The following RPL5 variants were observed in gnomAD, a reference collection of about 807,000 sequenced individuals.
The protein encoded by RPL5 is large ribosomal subunit protein uL18.
In RPL5, 1 loss-of-function variant was observed where a neutral mutation model predicts 38.4. The ratio of observed to expected loss-of-function variants is 0.03; its 90% CI spans 0.01 to 0.12. The LOEUF (loss-of-function observed/expected upper bound fraction) is 0.12. RPL5 is among the 10% of genes least tolerant of loss of function. The pLI is 1.00. For missense variants in RPL5, 243 were observed against 374.1 expected, an observed-to-expected ratio of 0.65 and a Z score of 2.89; for synonymous variants, 109 against 121.2, an observed-to-expected ratio of 0.90 and a Z score of 0.66.
At chr1:92,833,338 G>A in intron 1 of RPL5, 51 bp from the exon 2 acceptor site, 1 of 1,413,438 alleles carries the variant, frequency 7.1e-7, no homozygotes, top group East Asian at 2.3e-5. Flanking sequence ...TATGTCAAAA[G>A]TATCATAGGC....
intron 2 of RPL5, 36 bp from the exon 3 acceptor site, chr1:92,833,509 T>TGG: frequency 1.2e-6 from 2 of 1,609,488 alleles, no homozygotes; most frequent in Non-Finnish European, 1.7e-6. Flanking sequence ...GCAGATGCAG[T>TGG]GGAGTATCCT....
chr1:92,833,633 T>C lies in RPL5; in HGVS notation c.162T>C (p.Arg54=). ...YNTPKYRMIV[R]VTNRDIICQI... is the part of the protein sequence containing the mutation. ...CACCCAAATACAGGATGATAGTTCG[T>C]GTGACAAACAGAGATATCATTTGTC... Residue 54 remains arginine (R), a synonymous_variant, in exon 3 of 8, where the codon CGT becomes CGC. Transcript: ENST00000370321. 1 of 1,612,006 alleles carries C rather than the reference T, an allele frequency of 6.2e-7. No individual in the cohort carries two copies. The highest frequency in any genetic ancestry group is 8.5e-7 in the Non-Finnish European group (1 of 1,179,752).
intron 3 of RPL5, among the ~76,000 whole-genome samples, chr1:92,834,509 G>A (rs1032098776): frequency 6.6e-5 from 10 of 152,140 alleles, no homozygotes; most frequent in African/African-American, 1.4e-4. Context: ...GTCTTCCTCC[G>A]TACCCAAGTT....
chr1:92,840,063 A>G (rs978003773), intron 6 of RPL5, among the ~76,000 whole-genome samples: 1 of 148,900 alleles, frequency 6.7e-6, no homozygotes, highest in East Asian at 2.0e-4. Context: ...TCTGTCATCT[A>G]GGCTGGGGTC....
intron 3 of RPL5, 127 bp downstream of exon 3, chr1:92,833,787 T>A: frequency 1.3e-6 from 1 of 759,002 alleles, no homozygotes; most frequent in Non-Finnish European, 2.2e-6. Flanking sequence ...GAATAATTTT[T>A]CCTTTTAGTA....
intron 5 of RPL5, 130 bp from the exon 6 acceptor site, chr1:92,837,326 G>A: frequency 1.2e-6 from 1 of 821,126 alleles, no homozygotes; most frequent in Non-Finnish European, 2.2e-6. Flanking sequence ...GCAGTCAGTA[G>A]TTGGTCCTTT....
At chr1:92,833,909 C>T (rs954627158) in intron 3 of RPL5, 1 of 499,466 alleles carries the variant, frequency 2.0e-6, no homozygotes, top group Admixed American at 3.4e-5. Flanking sequence ...AGTTTGAGAC[C>T]AGCCTGGGCA....
intron 6 of RPL5, among the ~76,000 whole-genome samples, chr1:92,839,875 CT>C (rs1395679286): frequency 6.6e-6 from 1 of 151,074 alleles, no homozygotes; most frequent in African/African-American, 2.4e-5. Context: ...GGATCTTGTT[CT>C]GTTTCCTGGG....
intron 6 of RPL5, 92 bp from the exon 7 acceptor site, chr1:92,840,459 C>A: frequency 1.1e-6 from 1 of 917,036 alleles, no homozygotes; most frequent in Non-Finnish European, 1.8e-6. Flanking sequence ...TTTTGAGAAT[C>A]TGGCTTAGAA....
chr1:92,838,817 G>C (rs1464099698), intron 6 of RPL5, among the ~76,000 whole-genome samples: 1 of 152,204 alleles, frequency 6.6e-6, no homozygotes, highest in East Asian at 1.9e-4. Flanking sequence ...ATAATAGAGT[G>C]CTAAAAGAGG....
chr1:92,833,604 A>G lies in RPL5; in HGVS notation c.133A>G (p.Asn45Asp), dbSNP rs1232329456. The G allele has an allele frequency of 6.2e-7, 1 of 1,612,742 alleles. No individual in the cohort carries two copies. Among genetic ancestry groups the G allele is most frequent in the Admixed American group, 1.7e-5 (1 of 60,030 alleles). ...GGTGATACAAGATAAAAATAAATAC[A>G]ACACACCCAAATACAGGATGATAGT... is the stretch of plus-strand genomic sequence containing the variant. ...RLVIQDKNKY[N>D]TPKYRMIVRV... The change falls in exon 3 of 8, where the codon AAC (asparagine) becomes GAC (aspartate). Residue 45 changes from asparagine (N) to aspartate (D), a missense_variant. Asn to Asp is a conservative substitution (Grantham distance 23). Coordinates refer to ENST00000370321, the MANE Select transcript of RPL5 (RefSeq NM_000969.5).
rs769877057 is a variant in RPL5 at position 92,833,391 on chromosome 1, G to A, written c.6G>A (p.Gly2=). M[G]FVKVVKNKAY... is the part of the protein sequence containing the mutation. ...AATAACATTCTTTTTTCTTTAAGGGGTTTGTTAAAGTTGTTAAGAATAAGG... is the reference window on the plus strand; with the variant it reads ...AATAACATTCTTTTTTCTTTAAGGGATTTGTTAAAGTTGTTAAGAATAAGG... The change falls in exon 2 of 8, where the codon GGG becomes GGA. Residue 2 remains glycine, a splice_region_variant and synonymous_variant. Transcript: ENST00000370321. 1.2e-6 allele frequency: 2 copies of A among 1,610,412 alleles called. No individual in the cohort carries two copies. The highest frequency in any genetic ancestry group is 3.3e-5 in the Admixed American group (2 of 60,022).
At chr1:92,834,171 T>C (rs964727126) in intron 3 of RPL5, among the ~76,000 whole-genome samples, 3 of 152,224 alleles carry the variant, frequency 2.0e-5, no homozygotes, top group African/African-American at 7.2e-5. Context: ...AGTAGAAGAA[T>C]AGGGTTTGTC....
chr1:92,832,751 G>A (rs1686959849), intron 1 of RPL5: 2 of 471,876 alleles, frequency 4.2e-6, no homozygotes, highest in East Asian at 7.0e-5. Context: ...ATTGGGGTAG[G>A]GCCCCAAGGG....
At chr1:92,837,767 T>C in intron 6 of RPL5, 134 bp downstream of exon 6, 1 of 745,678 alleles carries the variant, frequency 1.3e-6, no homozygotes. Flanking sequence ...AACATTCTTT[T>C]AGTAATCTTT....
At chr1:92,836,690 C>T (rs1687143947) in intron 5 of RPL5, 1 of 348,228 alleles carries the variant, frequency 2.9e-6, no homozygotes. Context: ...TGAGCAACTC[C>T]ATCCTCTTTC....
intron 6 of RPL5, 83 bp from the exon 7 acceptor site, chr1:92,840,465 TAGA>T (rs1557443952): frequency 1.0e-6 from 1 of 982,606 alleles, no homozygotes; most frequent in African/African-American, 1.6e-5. Context: ...GAATCTGGCT[TAGA>T]AGGACAAGAT....
Position 92,837,464 on chromosome 1 carries a change from G to A in RPL5, c.536G>A (p.Arg179Gln). Reference sequence around the variant, plus strand: ...GAATAACTTTATTTTAGTACCAAACGATTCCCTGGTTATGATTCTGAAAGC... The same window carrying A: ...GAATAACTTTATTTTAGTACCAAACAATTCCCTGGTTATGATTCTGAAAGC... ...GGLSIPHSTK[R>Q]FPGYDSESKE... The change falls in exon 6 of 8, where the codon CGA becomes CAA. Residue 179 changes from arginine (R) to glutamine (Q), a missense_variant. Physicochemically the swap from Arg to Gln is conservative, Grantham distance 43. Transcript: ENST00000370321. 1 of 1,613,174 alleles carries A rather than the reference G, an allele frequency of 6.2e-7. No individual in the cohort carries two copies. The highest frequency in any genetic ancestry group is 8.5e-7 in the Non-Finnish European group (1 of 1,179,500).
At chr1:92,834,126 GAAGTAAGT>G (rs947364414) in intron 3 of RPL5, among the ~76,000 whole-genome samples, 1 of 152,282 alleles carries the variant, frequency 6.6e-6, no homozygotes, top group African/African-American at 2.4e-5. Context: ...GGGGAGATTA[GAAGTAAGT>G]AAGAAGTTCT....
Sources: allele counts gnomAD v4.1 joint callset (sites outside exome capture counted in the v4.1 genomes callset), GRCh38; gene constraint gnomAD v4.1.1; transcripts MANE v1.5; gene names NCBI Gene and HGNC (gene_info 2026-07-23, HGNC 2026-07-21).